Variants in UPF3A observed in about 807,000 individuals in gnomAD.
UPF3A encodes regulator of nonsense transcripts 3A.
A neutral mutation model predicts 53.5 loss-of-function variants in UPF3A; 42 were observed. That is an observed-to-expected ratio of 0.78 (90% confidence interval 0.61 to 1.01). The LOEUF is 1.01. UPF3A is among the 50% of genes least tolerant of loss of function. The pLI, the probability that UPF3A is intolerant of heterozygous loss-of-function variation, is 0.00. For missense variants in UPF3A, 575 were observed against 598.0 expected, an observed-to-expected ratio of 0.96 and a Z score of 0.40; for synonymous variants, 237 against 225.3, an observed-to-expected ratio of 1.05 and a Z score of -0.47.
intron 7 of UPF3A, among the ~76,000 whole-genome samples, chr13:114,298,161 CAGGGGTTT>C (rs1566764267): frequency 1.3e-5 from 2 of 152,114 alleles, no homozygotes; most frequent in African/African-American, 4.8e-5. Context: ...TGCCTGAGGT[CAGGGGTTT>C]GAGATCAGCC....
Position 114,282,838 on chromosome 13 carries a change from C to G in UPF3A, c.316C>G (p.Leu106Val), listed in dbSNP as rs987673954. The change falls in exon 3 of 10, where the codon CTT becomes GTT. Residue 106 changes from leucine to valine, a missense_variant and splice_region_variant. By Grantham distance (32) the Leu-to-Val change is conservative. Around this residue, in one of 2 missense-constraint regions of UPF3A, gnomAD observed 252 missense variants for 182.7 expected, o/e 1.38. Transcript: ENST00000375299. ...YFEFFAADLS[L>V]YPHLYSRAYI... is the part of the protein sequence containing the mutation. ...TTTCACTGTTATCTCTTATTTCAGTCTTTATCCTCATCTCTACTCAAGAGC... is the reference window on the plus strand; with the variant it reads ...TTTCACTGTTATCTCTTATTTCAGTGTTTATCCTCATCTCTACTCAAGAGC... 2.5e-6 allele frequency: 4 copies of G among 1,602,922 alleles called. No individual in the cohort carries two copies. The highest frequency in any genetic ancestry group is 3.4e-6 in the Non-Finnish European group (4 of 1,172,856).
At chr13:114,289,961 G>A (rs1056770879) in intron 5 of UPF3A, among the ~76,000 whole-genome samples, 8 of 152,166 alleles carry the variant, frequency 5.3e-5, no homozygotes, top group African/African-American at 1.7e-4. Flanking sequence ...GGTCTCGCCC[G>A]GCTCCTGGCT....
chr13:114,296,794 T>C lies in UPF3A; in HGVS notation c.847-2046T>C, dbSNP rs148636053. 2.9e-3 allele frequency among the ~76,000 whole-genome samples: 449 copies of C among 152,238 alleles called. 1 individual carries two copies. The highest frequency in any genetic ancestry group is 1.0e-2 in the African/African-American group (415 of 41,530). On this transcript the variant is annotated intron_variant, in intron 7 of 9. Coordinates refer to ENST00000375299, the MANE Select transcript of UPF3A (RefSeq NM_023011.4). ...TTGAGTTGAATGTGGAGCACGCAGC[T>C]GGTGTCGGAGGGGTGGTATTGAAAA... is the stretch of plus-strand genomic sequence containing the variant.
intron 5 of UPF3A, among the ~76,000 whole-genome samples, chr13:114,288,783 G>C (rs1038914533): frequency 8.5e-5 from 13 of 152,168 alleles, no homozygotes; most frequent in Non-Finnish European, 1.5e-4. Flanking sequence ...TTGAACAGAT[G>C]GGTGGATTGT....
chr13:114,282,484 C>G (rs556399980), intron 2 of UPF3A: 158 of 985,418 alleles, frequency 1.6e-4, no homozygotes, highest in Admixed American at 5.5e-4. Flanking sequence ...CTGTGGCCTC[C>G]ACGCTGGTGC....
intron 5 of UPF3A, 81 bp downstream of exon 5, chr13:114,286,710 C>G: frequency 8.6e-7 from 1 of 1,164,604 alleles, no homozygotes; most frequent in Non-Finnish European, 1.2e-6. Context: ...TTTTTCTTGA[C>G]TGTGATAACA....
At chr13:114,299,601 C>A (rs537351129) in intron 8 of UPF3A, among the ~76,000 whole-genome samples, 1 of 152,310 alleles carries the variant, frequency 6.6e-6, no homozygotes, top group Admixed American at 6.5e-5. Flanking sequence ...TATGACAGTG[C>A]AGCTCTATGG....
chr13:114,300,076 C>T (rs2086458354), intron 8 of UPF3A, among the ~76,000 whole-genome samples: 1 of 152,198 alleles, frequency 6.6e-6, no homozygotes, highest in South Asian at 2.1e-4. Flanking sequence ...CAGTTGATGA[C>T]ACAGCAGGAC....
In UPF3A at chr13:114,286,648, T is replaced by C. The variant is rs2084720853; in HGVS notation, c.631+19T>C. 3 of 1,574,124 alleles carry C rather than the reference T, an allele frequency of 1.9e-6. No homozygotes were observed. In the South Asian group the frequency reaches 3.5e-5, roughly 18 times the overall value. The stretch of plus-strand genomic sequence containing the variant: ...CTCATTGGTCTGTTTTGCTCATTTC[T>C]TCTCTTTTCTTTATTGAGAGATTTA... On this transcript the variant is annotated intron_variant, in intron 5 of 9. Transcript: ENST00000375299.
At chr13:114,300,826 G>C (rs9590515) in intron 8 of UPF3A, among the ~76,000 whole-genome samples, 2 of 150,900 alleles carry the variant, frequency 1.3e-5, no homozygotes, top group African/African-American at 4.9e-5. Context: ...GGTGTGAGCC[G>C]CTGTGCCTGG....
chr13:114,298,405 T>C (rs915035138), intron 7 of UPF3A, among the ~76,000 whole-genome samples: 1 of 147,834 alleles, frequency 6.8e-6, no homozygotes, highest in Non-Finnish European at 1.5e-5. Flanking sequence ...ACGGGTATGG[T>C]GGCGCATGCC....
intron 7 of UPF3A, among the ~76,000 whole-genome samples, chr13:114,296,147 G>A (rs952583290): frequency 3.3e-5 from 5 of 152,192 alleles, no homozygotes; most frequent in East Asian, 3.9e-4. Flanking sequence ...CTCTTTGGGG[G>A]GCCAAGGCAG....
intron 3 of UPF3A, chr13:114,285,194 C>G (rs912195809): frequency 6.6e-6 from 1 of 152,262 alleles, no homozygotes; most frequent in Non-Finnish European, 1.5e-5. Context: ...AAAAGACTTT[C>G]TTTTCCCCAT....
At chr13:114,286,465 C>G in intron 4 of UPF3A, 54 bp from the exon 5 acceptor site, 5 of 1,610,660 alleles carry the variant, frequency 3.1e-6, no homozygotes, top group Non-Finnish European at 4.2e-6. Flanking sequence ...AAATGTAATT[C>G]TCCCGTAGTT....
chr13:114,292,333 C>T (rs1333472453), intron 7 of UPF3A, among the ~76,000 whole-genome samples: 28 of 136,420 alleles, frequency 2.1e-4, no homozygotes, highest in East Asian at 2.2e-4. Context: ...GCAGATGTGT[C>T]ACATGTTCAT....
rs184769858 is a variant in UPF3A at position 114,284,580 on chromosome 13, T to A, written c.421+1637T>A. ...CAGGCATCATGAGGCATGCCTGTAATCTCAGATACTTGGGAGACTGAGGCA... is the reference window on the plus strand; with the variant it reads ...CAGGCATCATGAGGCATGCCTGTAAACTCAGATACTTGGGAGACTGAGGCA... On this transcript the variant is annotated intron_variant, in intron 3 of 9. Coordinates refer to ENST00000375299, the MANE Select transcript of UPF3A (RefSeq NM_023011.4). 1.7e-3 allele frequency among the ~76,000 whole-genome samples: 261 copies of A among 151,144 alleles called. 2 individuals carry two copies. In the East Asian group the frequency reaches 0.028, roughly 16 times the overall value.
chr13:114,287,970 C>A (rs1053433061), intron 5 of UPF3A, among the ~76,000 whole-genome samples: 3 of 152,092 alleles, frequency 2.0e-5, no homozygotes, highest in African/African-American at 7.2e-5. Context: ...TCATGCCCAG[C>A]TAATTTTTAT....
At chr13:114,286,722 G>A in intron 5 of UPF3A, 93 bp downstream of exon 5, 1 of 980,554 alleles carries the variant, frequency 1.0e-6, no homozygotes, top group Non-Finnish European at 1.5e-6. Context: ...GTGATAACAA[G>A]TTGAAACTTG....
At chr13:114,296,064 A>G (rs78991240) in intron 7 of UPF3A, among the ~76,000 whole-genome samples, 6,473 of 152,186 alleles carry the variant, frequency 0.043, 167 homozygotes, top group Middle Eastern at 0.12. Context: ...ACACCTACAT[A>G]ATGAAACCTT....
Sources: allele counts gnomAD v4.1 joint callset (sites outside exome capture counted in the v4.1 genomes callset), GRCh38; gene constraint gnomAD v4.1.1; regional missense constraint gnomAD v4.1.1; transcripts MANE v1.5; gene names NCBI Gene and HGNC (gene_info 2026-07-23, HGNC 2026-07-21).